RAB11FIP3: variants seen among roughly 807,000 people sequenced by gnomAD.
RAB11FIP3 encodes the protein rab11 family-interacting protein 3.
A neutral mutation model predicts 77.8 loss-of-function variants in RAB11FIP3; 17 were observed. That is an observed-to-expected ratio of 0.22 (90% CI 0.15 to 0.33). The LOEUF is 0.33. Among genes scored for constraint, RAB11FIP3 ranks in the 10% least tolerant of loss-of-function variants. The pLI is 1.00. For synonymous variants in RAB11FIP3, 437 were observed against 448.2 expected, an observed-to-expected ratio of 0.98 and a Z score of 0.31; for missense variants, 1,005 against 1,011.2, an observed-to-expected ratio of 0.99 and a Z score of 0.08.
At chr16:493,819 C>G (rs181559731) in intron 5 of RAB11FIP3, among the ~76,000 whole-genome samples, 326 of 147,484 alleles carry the variant, frequency 2.2e-3, no homozygotes, top group Non-Finnish European at 3.2e-3. Flanking sequence ...GTCTCAATCT[C>G]CGGACCTCGT....
In RAB11FIP3 at chr16:519,360, G is replaced by A. The variant is rs530703760; in HGVS notation, c.1722+336G>A. On this transcript the variant is annotated intron_variant, in intron 10 of 13. Coordinates refer to ENST00000262305, the MANE Select transcript of RAB11FIP3 (RefSeq NM_014700.4). Reference sequence around the variant, plus strand: ...CTCCCACACCCCAGCTTGTCACTGCGAGACCTCCCTGCCCCCACCTCACCA... The same window carrying A: ...CTCCCACACCCCAGCTTGTCACTGCAAGACCTCCCTGCCCCCACCTCACCA... Among the ~76,000 whole-genome samples, 3 of 152,318 alleles carry A rather than the reference G, an allele frequency of 2.0e-5. No individual in the cohort carries two copies. In the South Asian group the frequency reaches 6.2e-4, roughly 32 times the overall value.
At chr16:491,168 C>G (rs1246815813) in intron 5 of RAB11FIP3, 22 of 1,303,896 alleles carry the variant, frequency 1.7e-5, no homozygotes, top group Non-Finnish European at 2.1e-5. Flanking sequence ...GCACAGCATC[C>G]TCACTGATGA....
At chr16:499,674 T>C (rs1240957501) in intron 6 of RAB11FIP3, among the ~76,000 whole-genome samples, 5 of 151,826 alleles carry the variant, frequency 3.3e-5, no homozygotes, top group African/African-American at 1.2e-4. Flanking sequence ...CACACATGCC[T>C]GTAATCCCAG....
intron 1 of RAB11FIP3, among the ~76,000 whole-genome samples, chr16:458,484 CTCGGGT>C (rs1444267767): frequency 3.5e-4 from 48 of 137,400 alleles, no homozygotes; most frequent in African/African-American, 6.4e-4. Context: ...GGGGGCCTTC[CTCGGGT>C]TCACCGATGC....
At chr16:457,462 A>C (rs2055522153) in intron 1 of RAB11FIP3, among the ~76,000 whole-genome samples, 1 of 148,940 alleles carries the variant, frequency 6.7e-6, no homozygotes, top group East Asian at 2.0e-4. Flanking sequence ...TTCTGCCACT[A>C]CTGGATTTTG....
intron 1 of RAB11FIP3, among the ~76,000 whole-genome samples, chr16:443,928 G>C (rs2055269421): frequency 6.6e-6 from 1 of 152,168 alleles, no homozygotes; most frequent in African/African-American, 2.4e-5. Flanking sequence ...TTCCAGAAAA[G>C]TATTGCCAAT....
chr16:480,841 G>T, intron 3 of RAB11FIP3, among the ~76,000 whole-genome samples: 1 of 65,868 alleles, frequency 1.5e-5, no homozygotes, highest in Non-Finnish European at 4.3e-5. Flanking sequence ...ACAGAGTTTT[G>T]CTCTTGTTGC....
chr16:483,702 G>A (rs1354608155), intron 4 of RAB11FIP3, among the ~76,000 whole-genome samples: 1 of 152,030 alleles, frequency 6.6e-6, no homozygotes, highest in Non-Finnish European at 1.5e-5. Context: ...GAATTAACTC[G>A]GAGTCTGGCA....
At chr16:499,817 A>T (rs1168074432) in intron 6 of RAB11FIP3, among the ~76,000 whole-genome samples, 4 of 148,866 alleles carry the variant, frequency 2.7e-5, no homozygotes, top group Non-Finnish European at 5.9e-5. Flanking sequence ...AAAAAAAAAA[A>T]GCTCCATCTG....
rs183269836 is a variant in RAB11FIP3, at chr16:450,476, A to C, written c.715-10928A>C. Among the ~76,000 whole-genome samples the C allele has an allele frequency of 7.9e-4, 121 of 152,242 alleles. No individual in the cohort carries two copies. In the Middle Eastern group the frequency reaches 0.01, roughly 13 times the overall value. ...ATGACAGATGTGACCCACCACGCCC[A>C]ACCAAGTATTGGATAACTTTTTAGT... On this transcript the variant is annotated intron_variant, in intron 1 of 13. Transcript: ENST00000262305.
chr16:455,840 C>G (rs1477445407), intron 1 of RAB11FIP3, among the ~76,000 whole-genome samples: 1 of 152,164 alleles, frequency 6.6e-6, no homozygotes, highest in Non-Finnish European at 1.5e-5. Flanking sequence ...ATCCATCCGC[C>G]TTGGCATTTC....
chr16:518,822 GT>G, intron 9 of RAB11FIP3, 120 bp from the exon 10 acceptor site: 1 of 914,416 alleles, frequency 1.1e-6, no homozygotes, highest in South Asian at 1.5e-5. Context: ...GGCCCTGGTC[GT>G]TTGGGGGCGT....
intron 1 of RAB11FIP3, among the ~76,000 whole-genome samples, chr16:459,238 C>T (rs545274279): frequency 4.9e-4 from 73 of 149,330 alleles, no homozygotes; most frequent in Middle Eastern, 3.5e-3. Flanking sequence ...GCAATTCTCC[C>T]GCCTCAGCCT....
At chr16:500,687 CAAAAAAAAAAAAAAA>C (rs56771770) in intron 6 of RAB11FIP3, among the ~76,000 whole-genome samples, 5 of 22,306 alleles carry the variant, frequency 2.2e-4, no homozygotes, top group Admixed American at 7.3e-4. Context: ...GACTCTGTCG[CAAAAAAAAAAAAAAA>C]AAAAAAAAAA....
At chr16:477,569 G>A (rs1349230109) in intron 3 of RAB11FIP3, 16 of 963,606 alleles carry the variant, frequency 1.7e-5, no homozygotes, top group Non-Finnish European at 1.9e-5. Flanking sequence ...TTCCTGCCTG[G>A]CGTCCCGCAG....
intron 9 of RAB11FIP3, among the ~76,000 whole-genome samples, chr16:516,387 G>A (rs974530923): frequency 1.3e-5 from 2 of 152,176 alleles, no homozygotes; most frequent in African/African-American, 2.4e-5. Flanking sequence ...TGTAGTATCT[G>A]AAAATGAGGT....
Position 521,968 on chromosome 16 carries a change from AC to A in RAB11FIP3, c.*1134del. On this transcript the variant is annotated 3_prime_UTR_variant, in exon 14 of 14. Coordinates refer to ENST00000262305, the MANE Select transcript of RAB11FIP3 (RefSeq NM_014700.4). ...CCCGCAGGACCGCGGGCCTGCCCCAACCCCCAGCATTCCCGGGTGGGCCCAG... is the reference window on the plus strand; with the variant it reads ...CCCGCAGGACCGCGGGCCTGCCCCAACCCCAGCATTCCCGGGTGGGCCCAG... 6.7e-6 allele frequency: 1 copy of A among 150,218 alleles called. No individual in the cohort carries two copies. Among genetic ancestry groups the A allele is most frequent in the Non-Finnish European group, 1.5e-5 (1 of 67,808 alleles). 9.3% of individuals were successfully genotyped at this position (150,218 alleles called of 1,614,324 possible).
In RAB11FIP3 at chr16:482,712, G is replaced by A. The variant is rs749093022; in HGVS notation, c.1091G>A (p.Gly364Asp). 6 of 1,607,780 alleles carry A rather than the reference G, an allele frequency of 3.7e-6. No individual in the cohort carries two copies. The East Asian group carries it at 1.3e-4, about 36-fold the overall frequency. ...GACGCCATGGAGGAGCCCGACCATGGTGCCCTGCTGCTGCTCCCAGGCAGG... is the reference window on the plus strand; with the variant it reads ...GACGCCATGGAGGAGCCCGACCATGATGCCCTGCTGCTGCTCCCAGGCAGG... ...CLDAMEEPDH[G>D]ALLLLPGRPH... is the part of the protein sequence containing the mutation. Residue 364 changes from glycine to aspartate, a missense_variant, in exon 4 of 14, where the codon GGT becomes GAT. Gly to Asp is a moderately conservative substitution (Grantham distance 94). Transcript: ENST00000262305.
rs1040361576 is a variant in RAB11FIP3, at chr16:481,369, G to C, written c.904-1156G>C. On this transcript the variant is annotated intron_variant, in intron 3 of 13. Transcript: ENST00000262305. ...CTACTAGAAATACAAAACTTAGCTAGGCATGATGGTACATGCTTGTCTTCC... is the reference window on the plus strand; with the variant it reads ...CTACTAGAAATACAAAACTTAGCTACGCATGATGGTACATGCTTGTCTTCC... Among the ~76,000 whole-genome samples, 3 of 152,112 alleles carry C rather than the reference G, an allele frequency of 2.0e-5. No individual in the cohort carries two copies. The South Asian group carries it at 6.2e-4, about 32-fold the overall frequency.
Sources: gnomAD v4.1 joint callset for allele counts (sites outside exome capture counted in the v4.1 genomes callset) on GRCh38, gnomAD v4.1.1 for gene constraint, MANE v1.5 for transcripts, NCBI Gene and HGNC (gene_info 2026-07-23, HGNC 2026-07-21) for gene names.